Variants in PLXDC2 observed in about 807,000 individuals in gnomAD.
PLXDC2 encodes the protein plexin domain-containing protein 2.
Under a neutral mutation model 68.9 loss-of-function variants are expected in PLXDC2, and 40 were observed. The observed-to-expected ratio is 0.58, with a 90% CI of 0.45 to 0.76. The LOEUF (loss-of-function observed/expected upper bound fraction) is 0.76, where lower values mean the gene tolerates loss of function less well. PLXDC2 is among the 30% of genes least tolerant of loss of function. The pLI, the probability that PLXDC2 is intolerant of heterozygous loss-of-function variation, is 0.00. For missense variants in PLXDC2, 644 were observed against 661.9 expected, an observed-to-expected ratio of 0.97 and a Z score of 0.30; for synonymous variants, 243 against 234.2, an observed-to-expected ratio of 1.04 and a Z score of -0.34.
chr10:20,263,870 T>G, intron 13 of PLXDC2, among the ~76,000 whole-genome samples: 1 of 152,182 alleles, frequency 6.6e-6, no homozygotes. Context: ...GCACTGTTTG[T>G]GGGAGTATAA....
chr10:20,053,836 AG>A (rs777921633), intron 3 of PLXDC2, among the ~76,000 whole-genome samples: 36 of 152,218 alleles, frequency 2.4e-4, no homozygotes, highest in Admixed American at 8.5e-4. Context: ...CCTGGAAGAA[AG>A]GGGGTAAAAA....
At chr10:20,024,507 T>C (rs189663036) in intron 2 of PLXDC2, among the ~76,000 whole-genome samples, 2 of 152,358 alleles carry the variant, frequency 1.3e-5, no homozygotes, top group Admixed American at 1.3e-4. Flanking sequence ...ATTGTCTCCA[T>C]TCTTGCTCTC....
intron 5 of PLXDC2, among the ~76,000 whole-genome samples, chr10:20,147,413 T>G (rs1210811057): frequency 1.3e-5 from 2 of 152,192 alleles, no homozygotes; most frequent in Non-Finnish European, 2.9e-5. Flanking sequence ...CTCTCAGCAT[T>G]TGTCAAATGT....
intron 1 of PLXDC2, among the ~76,000 whole-genome samples, chr10:19,933,762 A>C (rs1208262479): frequency 1.3e-5 from 2 of 150,954 alleles, no homozygotes; most frequent in African/African-American, 4.9e-5. Flanking sequence ...GAAAAGGAAG[A>C]TAAAGTATGG....
chr10:19,945,811 A>T (rs1833891876), intron 1 of PLXDC2, among the ~76,000 whole-genome samples: 1 of 152,188 alleles, frequency 6.6e-6, no homozygotes, highest in African/African-American at 2.4e-5. Context: ...AACTACTTTC[A>T]TTCAGTGTGA....
intron 2 of PLXDC2, among the ~76,000 whole-genome samples, chr10:20,038,101 T>C (rs959555965): frequency 1.3e-5 from 2 of 152,000 alleles, no homozygotes; most frequent in African/African-American, 4.8e-5. Context: ...CCGGAAGTGG[T>C]GGCACATGCC....
intron 6 of PLXDC2, among the ~76,000 whole-genome samples, chr10:20,151,481 A>T (rs1375491250): frequency 2.0e-5 from 3 of 152,162 alleles, no homozygotes; most frequent in African/African-American, 7.2e-5. Flanking sequence ...TAAGTCAGAG[A>T]GATTAAATGA....
intron 4 of PLXDC2, among the ~76,000 whole-genome samples, chr10:20,134,215 A>G (rs981988352): frequency 2.0e-5 from 3 of 152,082 alleles, no homozygotes; most frequent in African/African-American, 4.8e-5. Flanking sequence ...TAGATCTCCA[A>G]TTCTTTGAGG....
In PLXDC2 at chr10:20,281,823, A is replaced by C. The variant is rs933897920; in HGVS notation, c.*2004A>C. 3 of 152,112 alleles carry C rather than the reference A, an allele frequency of 2.0e-5. No homozygotes were observed. Among genetic ancestry groups the C allele is most frequent in the African/African-American group, 7.2e-5 (3 of 41,432 alleles). The allele number at this position is 152,112 out of a possible 1,614,324, so 9.4% of individuals were successfully genotyped here. The stretch of plus-strand genomic sequence containing the variant: ...TACTGGTGCAACTGGTATTCTACAA[A>C]TGCATAAGGAACACATAGACGACTT... On this transcript the variant is annotated 3_prime_UTR_variant, in exon 14 of 14. Transcript: ENST00000377252.
chr10:20,047,040 C>T (rs750965767), intron 3 of PLXDC2, 25 bp downstream of exon 3: 1 of 1,548,586 alleles, frequency 6.5e-7, no homozygotes, highest in Non-Finnish European at 8.7e-7. Context: ...ATTCAGGGTT[C>T]ATTTTACCTA....
chr10:20,111,098 G>A (rs1207948618), intron 4 of PLXDC2, among the ~76,000 whole-genome samples: 1 of 152,222 alleles, frequency 6.6e-6, no homozygotes, highest in Non-Finnish European at 1.5e-5. Context: ...ACCATGGTGG[G>A]CTGCACAGAA....
At chr10:20,185,722 A>G (rs72793901) in intron 9 of PLXDC2, among the ~76,000 whole-genome samples, 2 of 152,112 alleles carry the variant, frequency 1.3e-5, no homozygotes, top group South Asian at 2.1e-4. Context: ...ATAAATTTAC[A>G]TGATTGTTTC....
At chr10:20,193,488 G>T (rs1338513602) in intron 9 of PLXDC2, among the ~76,000 whole-genome samples, 1 of 152,010 alleles carries the variant, frequency 6.6e-6, no homozygotes, top group Non-Finnish European at 1.5e-5. Flanking sequence ...ATAGAATAGT[G>T]TTTGCAGATG....
At chr10:20,246,413 G>A (rs556016947) in intron 13 of PLXDC2, among the ~76,000 whole-genome samples, 127 of 152,296 alleles carry the variant, frequency 8.3e-4, no homozygotes, top group Non-Finnish European at 1.4e-3. Flanking sequence ...GCCGTGGTGC[G>A]ATCTCGGCTC....
At chr10:19,867,411 C>A (rs1406741185) in intron 1 of PLXDC2, among the ~76,000 whole-genome samples, 1 of 152,172 alleles carries the variant, frequency 6.6e-6, no homozygotes, top group Non-Finnish European at 1.5e-5. Flanking sequence ...TCAGCATTTT[C>A]CAACTGGTGG....
chr10:20,120,847 C>G (rs1419117824), intron 4 of PLXDC2, among the ~76,000 whole-genome samples: 1 of 152,140 alleles, frequency 6.6e-6, no homozygotes, highest in Non-Finnish European at 1.5e-5. Flanking sequence ...AAGAGGCGGG[C>G]TAGTGGCTTG....
At chr10:20,205,401 T>C (rs188038615) in intron 9 of PLXDC2, among the ~76,000 whole-genome samples, 3 of 152,268 alleles carry the variant, frequency 2.0e-5, no homozygotes, top group Non-Finnish European at 1.5e-5. Flanking sequence ...TCACATTTTG[T>C]TGAAATCAAT....
At chr10:19,990,826 A>G (rs1834735067) in intron 1 of PLXDC2, among the ~76,000 whole-genome samples, 1 of 152,332 alleles carries the variant, frequency 6.6e-6, no homozygotes, top group Admixed American at 6.5e-5. Context: ...GCATTTTAGA[A>G]ATTCTTGGGA....
rs1564656425 is a variant in PLXDC2, at chr10:20,012,336, G to GTTTTTTT, written c.324+10350_324+10351insTTTTTTT. Among the ~76,000 whole-genome samples the GTTTTTTT allele has an allele frequency of 1.5e-3, 49 of 33,160 alleles. 16 individuals are homozygous for GTTTTTTT. The highest frequency in any genetic ancestry group is 2.1e-3 in the East Asian group (2 of 944). The allele number at this position is 33,160 out of a possible 152,430, so 21.8% of individuals were successfully genotyped here. Reference sequence around the variant, plus strand: ...TTTTTTTTTTTTTTTTTTTTTTTTGGAGAAGGAGACTTGCTGTGTTTCCCA... The same window carrying GTTTTTTT: ...TTTTTTTTTTTTTTTTTTTTTTTTGGTTTTTTTAGAAGGAGACTTGCTGTGTTTCCCA... On this transcript the variant is annotated intron_variant, in intron 2 of 13. Transcript: ENST00000377252.
Sources: allele counts gnomAD v4.1 joint callset (sites outside exome capture counted in the v4.1 genomes callset), GRCh38; gene constraint gnomAD v4.1.1; transcripts MANE v1.5; gene names NCBI Gene and HGNC (gene_info 2026-07-23, HGNC 2026-07-21).